CHST11: variants seen among roughly 807,000 people sequenced by gnomAD.
CHST11 encodes the protein C4S-1.
A neutral mutation model predicts 30.4 loss-of-function variants in CHST11; 9 were observed. That is an observed-to-expected ratio of 0.30 (90% CI 0.18 to 0.52). The LOEUF is 0.52. CHST11 is among the 20% of genes least tolerant of loss of function. The pLI is 0.97. For missense variants in CHST11, 348 were observed against 460.6 expected (o/e 0.76, Z 2.24); for synonymous variants, 152 against 187.8 (o/e 0.81, Z 1.56).
chr12:104,530,896 G>C (rs1331406476), intron 1 of CHST11, among the ~76,000 whole-genome samples: 1 of 152,216 alleles, frequency 6.6e-6, no homozygotes. Flanking sequence ...TCATGATTTA[G>C]ATGTTTCGCA....
intron 2 of CHST11, among the ~76,000 whole-genome samples, chr12:104,685,743 TG>T (rs569556088): frequency 6.6e-6 from 1 of 152,364 alleles, no homozygotes; most frequent in South Asian, 2.1e-4. Context: ...AGATTGTGTC[TG>T]GACTTTCATT....
chr12:104,559,933 T>G (rs1202666732), intron 1 of CHST11, among the ~76,000 whole-genome samples: 1 of 152,164 alleles, frequency 6.6e-6, no homozygotes, highest in Non-Finnish European at 1.5e-5. Context: ...AGTAATTACT[T>G]TTGCACCAAC....
At chr12:104,481,698 T>C (rs935035554) in intron 1 of CHST11, among the ~76,000 whole-genome samples, 1 of 152,176 alleles carries the variant, frequency 6.6e-6, no homozygotes, top group African/African-American at 2.4e-5. Flanking sequence ...CTCATCCAAG[T>C]GAACAGAGTA....
chr12:104,612,991 G>A (rs959840898), intron 2 of CHST11, among the ~76,000 whole-genome samples: 1 of 151,980 alleles, frequency 6.6e-6, no homozygotes, highest in Non-Finnish European at 1.5e-5. Flanking sequence ...GGAGGCTGAG[G>A]CAGCCAGATT....
intron 1 of CHST11, among the ~76,000 whole-genome samples, chr12:104,537,233 G>A (rs1014301799): frequency 6.6e-6 from 1 of 152,232 alleles, no homozygotes; most frequent in Non-Finnish European, 1.5e-5. Flanking sequence ...TGTCATCTTG[G>A]ATTGGGATTA....
chr12:104,632,802 C>T (rs2039283110), intron 2 of CHST11, among the ~76,000 whole-genome samples: 1 of 152,190 alleles, frequency 6.6e-6, no homozygotes, highest in Admixed American at 6.5e-5. Flanking sequence ...TCCCGGTCCT[C>T]CTCCGGGAGG....
intron 1 of CHST11, among the ~76,000 whole-genome samples, chr12:104,561,709 AGCCACTGC>A (rs984912615): frequency 5.9e-5 from 9 of 152,114 alleles, no homozygotes; most frequent in Admixed American, 5.2e-4. Context: ...GCTTGGTGCC[AGCCACTGC>A]GCTAAGGGTT....
chr12:104,530,978 G>A (rs1232017515), intron 1 of CHST11, among the ~76,000 whole-genome samples: 1 of 152,214 alleles, frequency 6.6e-6, no homozygotes, highest in Admixed American at 6.5e-5. Flanking sequence ...TGTTGGGGAA[G>A]CCGGATGCCA....
chr12:104,485,573 T>C (rs1322958099), intron 1 of CHST11, among the ~76,000 whole-genome samples: 1 of 88,528 alleles, frequency 1.1e-5, no homozygotes, highest in Non-Finnish European at 2.3e-5. Context: ...TCAGGGTTGT[T>C]CAATGTCTGT....
intron 1 of CHST11, among the ~76,000 whole-genome samples, chr12:104,577,622 T>A (rs188927912): frequency 6.6e-6 from 1 of 152,206 alleles, no homozygotes; most frequent in Non-Finnish European, 1.5e-5. Flanking sequence ...AGCAGGATGA[T>A]GAGTTCATTG....
In CHST11 at chr12:104,760,588, G is replaced by C. The variant is rs1040848883; in HGVS notation, c.*2785G>C. On this transcript the variant is annotated 3_prime_UTR_variant, in exon 3 of 3. Transcript: ENST00000303694. ...TGGGGGGTTTTCAATGGAAATTCACGTTGCTTTGCATTTCTGTGTCCGTCT... is the reference window on the plus strand; with the variant it reads ...TGGGGGGTTTTCAATGGAAATTCACCTTGCTTTGCATTTCTGTGTCCGTCT... 6.6e-6 allele frequency: 1 copy of C among 152,218 alleles called. No homozygotes were observed. The highest frequency in any genetic ancestry group is 2.1e-4 in the South Asian group (1 of 4,838). The allele number at this position is 152,218 out of a possible 1,614,324, so 9.4% of individuals were successfully genotyped here.
chr12:104,627,791 G>GATA (rs1230921118), intron 2 of CHST11, among the ~76,000 whole-genome samples: 2 of 152,128 alleles, frequency 1.3e-5, no homozygotes, highest in Non-Finnish European at 2.9e-5. Context: ...TGATGATGAT[G>GATA]ATGATGGTGG....
intron 1 of CHST11, among the ~76,000 whole-genome samples, chr12:104,503,164 G>A (rs1281439179): frequency 6.6e-6 from 1 of 152,240 alleles, no homozygotes; most frequent in Non-Finnish European, 1.5e-5. Context: ...TCGTCAGGGT[G>A]GTGCGCGACA....
chr12:104,532,368 A>C (rs1231615604), intron 1 of CHST11, among the ~76,000 whole-genome samples: 1 of 148,002 alleles, frequency 6.8e-6, no homozygotes, highest in Non-Finnish European at 1.5e-5. Flanking sequence ...ATTGGTTCCT[A>C]GGTTGTTTCT....
At position 104,533,009 on chromosome 12, in the gene CHST11, C is replaced by T. The variant is rs199900897; in HGVS notation, c.119-68897C>T. ...CAGGCTGGTCTTGAACTCCTGGGCT[C>T]AAGCAAACCTCCTGCCTCAGCCTCC... On this transcript the variant is annotated intron_variant, in intron 1 of 2. Transcript: ENST00000303694. 3.9e-5 allele frequency among the ~76,000 whole-genome samples: 6 copies of T among 152,280 alleles called. No individual in the cohort carries two copies. The East Asian group carries it at 1.2e-3, about 29-fold the overall frequency.
At chr12:104,671,019 G>A (rs1050902093) in intron 2 of CHST11, among the ~76,000 whole-genome samples, 21 of 152,182 alleles carry the variant, frequency 1.4e-4, no homozygotes, top group African/African-American at 5.1e-4. Context: ...TGAGGGTGTT[G>A]GGCAGGTGAG....
At chr12:104,684,571 G>A (rs1005147543) in intron 2 of CHST11, among the ~76,000 whole-genome samples, 16 of 152,244 alleles carry the variant, frequency 1.1e-4, no homozygotes, top group African/African-American at 2.6e-4. Context: ...TGTTAGAGAC[G>A]GAGTCTCACT....
At chr12:104,563,544 T>G (rs2038533993) in intron 1 of CHST11, among the ~76,000 whole-genome samples, 1 of 152,210 alleles carries the variant, frequency 6.6e-6, no homozygotes, top group Admixed American at 6.5e-5. Context: ...ACTTTTTTGT[T>G]TACCTTGACT....
At chr12:104,539,423 C>T (rs2038267250) in intron 1 of CHST11, among the ~76,000 whole-genome samples, 1 of 152,082 alleles carries the variant, frequency 6.6e-6, no homozygotes, top group Non-Finnish European at 1.5e-5. Flanking sequence ...TGCTGTATTT[C>T]CTGAATTAAA....
Sources: gnomAD v4.1 joint callset for allele counts (sites outside exome capture counted in the v4.1 genomes callset) on GRCh38, gnomAD v4.1.1 for gene constraint, MANE v1.5 for transcripts, NCBI Gene and HGNC (gene_info 2026-07-23, HGNC 2026-07-21) for gene names.